TRIM45: variants seen among roughly 807,000 people sequenced by gnomAD.
The protein encoded by TRIM45 is E3 ubiquitin-protein ligase TRIM45.
TRIM45 carries 45 observed loss-of-function variants against 46.7 expected under a neutral mutation model. The ratio of observed to expected loss-of-function variants is 0.96; its 90% CI spans 0.76 to 1.24. TRIM45 has a LOEUF of 1.24. Ranked by LOEUF, TRIM45 falls within the 50% of genes most tolerant of loss-of-function variation. TRIM45 has a pLI of 0.00. For synonymous variants in TRIM45, 259 were observed against 285.8 expected (o/e 0.91, Z 0.94); for missense variants, 680 against 728.4 (o/e 0.93, Z 0.77).
In TRIM45 at chr1:117,111,333, G is replaced by A. The variant is rs1349967562; in HGVS notation, c.*972C>T. 1 of 152,196 alleles carries A rather than the reference G, an allele frequency of 6.6e-6. No individual in the cohort carries two copies. Among genetic ancestry groups the A allele is most frequent in the Admixed American group, 6.5e-5 (1 of 15,284 alleles). The allele number at this position is 152,196 out of a possible 1,614,324, so 9.4% of individuals were successfully genotyped here. On this transcript the variant is annotated 3_prime_UTR_variant, in exon 6 of 6. Transcript: ENST00000256649. ...AAACAGAGCTGTGAGAAGGATGAAG[G>A]TGTCTAGATTTTCTGTATAAGTAGA...
In TRIM45 at chr1:117,120,906, G is replaced by A. The variant is rs550578733; in HGVS notation, c.296C>T (p.Ala99Val). 1.2e-6 allele frequency: 2 copies of A among 1,614,206 alleles called. No individual in the cohort carries two copies. Among genetic ancestry groups the A allele is most frequent in the South Asian group, 2.2e-5 (2 of 91,082 alleles). ...QIGILCPVCD[A>V]QVDLPMGGVK... ...TCCACCCATGGGCAGGTCCACCTGA[G>A]CATCACATACAGGACAAAGGATGCC... is the stretch of plus-strand genomic sequence containing the variant. The change falls in exon 1 of 6, where the codon GCT becomes GTT. Residue 99 changes from alanine to valine, a missense_variant. Physicochemically the swap from Ala to Val is moderately conservative, Grantham distance 64. Coordinates refer to ENST00000256649, the MANE Select transcript of TRIM45 (RefSeq NM_025188.4).
rs1650395591 is a variant in TRIM45 at position 117,116,273 on chromosome 1, G to A, written c.1352+343C>T. ...TTTGGACCTGGGGTCTTGCTCTGTT[G>A]CCCAGGCTGGAGTGCACTGGCACAA... On this transcript the variant is annotated intron_variant, in intron 3 of 5. Coordinates refer to ENST00000256649, the MANE Select transcript of TRIM45 (RefSeq NM_025188.4). This position sits in a 1 kb window ranked among gnomAD's most constrained non-coding sequence, Gnocchi z 4.6. 6.8e-6 allele frequency among the ~76,000 whole-genome samples: 1 copy of A among 147,452 alleles called. No individual in the cohort carries two copies. The highest frequency in any genetic ancestry group is 6.8e-5 in the Admixed American group (1 of 14,754).
At position 117,117,550 on chromosome 1, in the gene TRIM45, T is replaced by A. The variant is rs1650447403; in HGVS notation, c.1222+484A>T. On this transcript the variant is annotated intron_variant, in intron 2 of 5. Coordinates refer to ENST00000256649, the MANE Select transcript of TRIM45 (RefSeq NM_025188.4). This position sits in a 1 kb window ranked among gnomAD's most constrained non-coding sequence, Gnocchi z 4.9. ...CCAATTAAATGAAACACCTACCATA[T>A]CCTTTTAAATGCCAGTAAAGTTGAT... Among the ~76,000 whole-genome samples the A allele has an allele frequency of 6.6e-6, 1 of 152,128 alleles. No homozygotes were observed. Among genetic ancestry groups the A allele is most frequent in the African/African-American group, 2.4e-5 (1 of 41,420 alleles).
Position 117,120,961 on chromosome 1 carries a change from G to T in TRIM45, c.241C>A (p.Leu81Ile). Reference sequence around the variant, plus strand: ...TGCGACTGCAGACTTCGTGGCTTGAGTTCCTGGAATATTGACCCCTCAGAG... The same window carrying T: ...TGCGACTGCAGACTTCGTGGCTTGATTTCCTGGAATATTGACCCCTCAGAG... ...TSSEGSIFQELKPRSLQSQIG... is the reference protein window; with the variant it reads ...TSSEGSIFQEIKPRSLQSQIG... Residue 81 changes from leucine to isoleucine, a missense_variant, in exon 1 of 6, where the codon CTC (leucine) becomes ATC (isoleucine). Around this residue, in one of 3 missense-constraint regions of TRIM45, gnomAD observed 349 missense variants for 343.6 expected, o/e 1.02. Coordinates refer to ENST00000256649, the MANE Select transcript of TRIM45 (RefSeq NM_025188.4). 1 of 1,614,174 alleles carries T rather than the reference G, an allele frequency of 6.2e-7. No homozygotes were observed. Among genetic ancestry groups the T allele is most frequent in the Non-Finnish European group, 8.5e-7 (1 of 1,180,026 alleles).
Position 117,113,281 on chromosome 1 carries a change from G to A in TRIM45, c.1594+78C>T, listed in dbSNP as rs1650286364. On this transcript the variant is annotated intron_variant, in intron 5 of 5. Transcript: ENST00000256649. This position sits in a 1 kb window ranked among gnomAD's most constrained non-coding sequence, Gnocchi z 4.0. ...AGAGCCTAAGTCCAAATGTCTAGTG[G>A]CTGTGTGGTAGGGAAGGGCCCGTCG... 1 of 1,564,594 alleles carries A rather than the reference G, an allele frequency of 6.4e-7. No individual in the cohort carries two copies. The highest frequency in any genetic ancestry group is 1.3e-5 in the African/African-American group (1 of 74,122).
At chr1:117,114,751 T>TA (rs1002594420) in intron 4 of TRIM45, among the ~76,000 whole-genome samples, 8 of 152,226 alleles carry the variant, frequency 5.3e-5, no homozygotes, top group African/African-American at 1.9e-4. Flanking sequence ...ATAATGTATG[T>TA]AAAAACACCT....
At chr1:117,120,674 C>G (rs975311162) in intron 1 of TRIM45, 40 bp downstream of exon 1, 4 of 1,541,672 alleles carry the variant, frequency 2.6e-6, no homozygotes, top group Non-Finnish European at 3.5e-6. Flanking sequence ...TCTTTGTAAT[C>G]TGCTCTTAAG....
At position 117,113,574 on chromosome 1, in the gene TRIM45, G is replaced by A; in HGVS notation, c.1468-89C>T. ...CACTATGTGCTAAACAGAGTCTGAG[G>A]CACAGGGCCTGTCCTTGGATGGACA... On this transcript the variant is annotated intron_variant, in intron 4 of 5. Transcript: ENST00000256649. The surrounding 1 kb of genome is among the most constrained non-coding windows in gnomAD (Gnocchi z 4.0). The A allele has an allele frequency of 6.7e-7, 1 of 1,502,096 alleles. No individual in the cohort carries two copies. Among genetic ancestry groups the A allele is most frequent in the Non-Finnish European group, 9.0e-7 (1 of 1,114,600 alleles). The allele number at this position is 1,502,096 out of a possible 1,614,324, so 93.0% of individuals were successfully genotyped here. A position where few individuals can be genotyped will look rare whatever the true frequency, so the allele number is the denominator to read the frequency against.
In TRIM45 at chr1:117,118,262, C is replaced by G. The variant is rs1374465875; in HGVS notation, c.994G>C (p.Glu332Gln). 2 of 1,614,074 alleles carry G rather than the reference C, an allele frequency of 1.2e-6. No homozygotes were observed. The highest frequency in any genetic ancestry group is 1.7e-6 in the Non-Finnish European group (2 of 1,180,044). ...TCTGAGCCGCTGGTCAGCAAGTGCTCGGTGAACTCCACTCCAGTCCGCATG... is the reference window on the plus strand; with the variant it reads ...TCTGAGCCGCTGGTCAGCAAGTGCTGGGTGAACTCCACTCCAGTCCGCATG... Reference protein sequence around the residue: ...ADMRTGVEFTEHLLTSGSDLE... With the variant: ...ADMRTGVEFTQHLLTSGSDLE... Residue 332 changes from glutamate (E) to glutamine (Q), a missense_variant, in exon 2 of 6, where the codon GAG becomes CAG. Transcript: ENST00000256649. This position sits in a 1 kb window ranked among gnomAD's most constrained non-coding sequence, Gnocchi z 5.7.
chr1:117,116,603 G>A lies in TRIM45; in HGVS notation c.1352+13C>T. ...TGCCTGTTATCCATGACACCTAATT[G>A]TGTCATACAAACCTGTCTTTCTTAT... On this transcript the variant is annotated intron_variant, in intron 3 of 5. Coordinates refer to ENST00000256649, the MANE Select transcript of TRIM45 (RefSeq NM_025188.4). The surrounding 1 kb of genome is among the most constrained non-coding windows in gnomAD (Gnocchi z 4.6). 6.2e-7 allele frequency: 1 copy of A among 1,612,820 alleles called. No homozygotes were observed. Among genetic ancestry groups the A allele is most frequent in the South Asian group, 1.1e-5 (1 of 91,016 alleles).
Position 117,118,766 on chromosome 1 carries a change from G to A in TRIM45, c.490C>T (p.Arg164Trp), listed in dbSNP as rs768313951. Residue 164 changes from arginine (R) to tryptophan (W), a missense_variant and splice_region_variant, in exon 2 of 6, where the codon CGG (arginine) becomes TGG (tryptophan). By Grantham distance (101) the Arg-to-Trp change is moderately radical (BLOSUM62 -3). Coordinates refer to ENST00000256649, the MANE Select transcript of TRIM45 (RefSeq NM_025188.4). The surrounding 1 kb of genome is among the most constrained non-coding windows in gnomAD (Gnocchi z 5.7). ...GTGTGGTAAGTCGTTTTCTTCTGCC[G>A]CCTAGGGGCAAACAGAATCAGTAAC... ...LCHFCCQAHR[R>W]QKKTTYHTMV... is the part of the protein sequence containing the mutation. 8.1e-6 allele frequency: 13 copies of A among 1,609,012 alleles called. No homozygotes were observed. The highest frequency in any genetic ancestry group is 2.7e-5 in the African/African-American group (2 of 74,772).
Position 117,113,644 on chromosome 1 carries a change from A to G in TRIM45, c.1468-159T>C, listed in dbSNP as rs1650302215. On this transcript the variant is annotated intron_variant, in intron 4 of 5. Coordinates refer to ENST00000256649, the MANE Select transcript of TRIM45 (RefSeq NM_025188.4). This position sits in a 1 kb window ranked among gnomAD's most constrained non-coding sequence, Gnocchi z 4.0. ...AGATTAGAGGACAAGAACCCTGCTC[A>G]GCTGAGAGGAGGCAGACACAGATGC... 6.6e-6 allele frequency among the ~76,000 whole-genome samples: 1 copy of G among 152,252 alleles called. No individual in the cohort carries two copies. The highest frequency in any genetic ancestry group is 1.5e-5 in the Non-Finnish European group (1 of 68,040).
chr1:117,121,949 A>C (rs1359765797), upstream of TRIM45: 1 of 671,732 alleles, frequency 1.5e-6, no homozygotes, highest in Non-Finnish European at 2.8e-6. This position sits in a 1 kb window ranked among gnomAD's most constrained non-coding sequence, Gnocchi z 4.2. Flanking sequence ...GGGGCGGCCG[A>C]AGGGCTTAGA....
chr1:117,121,222 A>G lies in TRIM45; in HGVS notation c.-21T>C, dbSNP rs539720625. The G allele has an allele frequency of 1.1e-5, 17 of 1,519,960 alleles. No individual in the cohort carries two copies. The Admixed American group carries it at 1.3e-4, about 12-fold the overall frequency. The allele number at this position is 1,519,960 out of a possible 1,614,324, so 94.2% of individuals were successfully genotyped here. A position where few individuals can be genotyped will look rare whatever the true frequency, so the allele number is the denominator to read the frequency against. On this transcript the variant is annotated 5_prime_UTR_variant, in exon 1 of 6. Coordinates refer to ENST00000256649, the MANE Select transcript of TRIM45 (RefSeq NM_025188.4). The surrounding 1 kb of genome is among the most constrained non-coding windows in gnomAD (Gnocchi z 4.2). ...GACATACTCCTCACGTTTGTGACCA[A>G]TATTAGAAAGGGCCCTGGGCAGTTC... is the stretch of plus-strand genomic sequence containing the variant.
At chr1:117,122,086 G>A (rs1036828154), upstream of TRIM45, 3 of 384,042 alleles carry the variant, frequency 7.8e-6, no homozygotes, top group Non-Finnish European at 9.3e-6. Context: ...AAAAAGCCAC[G>A]CTGATTTGGC....
In TRIM45 at chr1:117,113,442, T is replaced by C. The variant is rs754318658; in HGVS notation, c.1511A>G (p.His504Arg). Reference protein sequence around the residue: ...TVMVRRKHRPHSGVFHCCTFC... With the variant: ...TVMVRRKHRPRSGVFHCCTFC... The stretch of plus-strand genomic sequence containing the variant: ...GGTGCAGCAGTGAAACACGCCTGAG[T>C]GTGGGCGGTGCTTTCTCCTCACCAT... The change falls in exon 5 of 6, where the codon CAC (histidine) becomes CGC (arginine). Residue 504 changes from histidine to arginine, a missense_variant. By Grantham distance (29) the His-to-Arg change is conservative. Transcript: ENST00000256649. This position sits in a 1 kb window ranked among gnomAD's most constrained non-coding sequence, Gnocchi z 4.0. 5.6e-6 allele frequency: 9 copies of C among 1,612,596 alleles called. No homozygotes were observed.
In TRIM45 at chr1:117,117,531, A is replaced by C. The variant is rs1438021316; in HGVS notation, c.1222+503T>G. 6.6e-6 allele frequency among the ~76,000 whole-genome samples: 1 copy of C among 152,200 alleles called. No individual in the cohort carries two copies. Among genetic ancestry groups the C allele is most frequent in the East Asian group, 1.9e-4 (1 of 5,198 alleles). ...AAAAAAACCATTTTTTCCCCCAATT[A>C]AATGAAACACCTACCATATCCTTTT... On this transcript the variant is annotated intron_variant, in intron 2 of 5. Transcript: ENST00000256649. The surrounding 1 kb of genome is among the most constrained non-coding windows in gnomAD (Gnocchi z 4.9).
rs1650641269 is a variant in TRIM45, at chr1:117,121,690, G to A, written c.-489C>T. The A allele has an allele frequency of 1.8e-6, 1 of 551,342 alleles. No homozygotes were observed. The highest frequency in any genetic ancestry group is 2.0e-5 in the African/African-American group (1 of 49,826). The allele number at this position is 551,342 out of a possible 1,614,324, so 34.2% of individuals were successfully genotyped here. A position where few individuals can be genotyped will look rare whatever the true frequency, so the allele number is the denominator to read the frequency against. The stretch of plus-strand genomic sequence containing the variant: ...GTGAGGGAATTGCAAGCCGCCGGCG[G>A]GCTTCTCGGTGTCCACCGCCTCTCC... On this transcript the variant is annotated 5_prime_UTR_variant, in exon 1 of 6. Coordinates refer to ENST00000256649, the MANE Select transcript of TRIM45 (RefSeq NM_025188.4). This position sits in a 1 kb window ranked among gnomAD's most constrained non-coding sequence, Gnocchi z 4.2.
chr1:117,113,497 A>G lies in TRIM45; in HGVS notation c.1468-12T>C. The G allele has an allele frequency of 1.2e-6, 2 of 1,611,678 alleles. No individual in the cohort carries two copies. Among genetic ancestry groups the G allele is most frequent in the South Asian group, 2.2e-5 (2 of 90,882 alleles). On this transcript the variant is annotated splice_polypyrimidine_tract_variant and intron_variant, in intron 4 of 5. Transcript: ENST00000256649. This position sits in a 1 kb window ranked among gnomAD's most constrained non-coding sequence, Gnocchi z 4.0. The stretch of plus-strand genomic sequence containing the variant: ...GTGAATGGCGAGCCCTGCAGTGTTC[A>G]GACCAAAAGCAATGAACAGCATCTT...
Sources: allele counts gnomAD v4.1 joint callset (sites outside exome capture counted in the v4.1 genomes callset), GRCh38; gene constraint gnomAD v4.1.1; regional missense constraint gnomAD v4.1.1; non-coding constraint Gnocchi (gnomAD v3.1); transcripts MANE v1.5; gene names NCBI Gene and HGNC (gene_info 2026-07-23, HGNC 2026-07-21).